JCAD: variants seen among roughly 807,000 people sequenced by gnomAD.
JCAD encodes junctional cadherin 5 associated.
JCAD carries 40 observed loss-of-function variants against 98.0 expected under a neutral mutation model. The observed-to-expected ratio is 0.41, with a 90% CI of 0.32 to 0.53. The LOEUF (loss-of-function observed/expected upper bound fraction) is 0.53, where lower values mean the gene tolerates loss of function less well. Among genes scored for constraint, JCAD ranks in the 20% least tolerant of loss-of-function variants. The probability of loss-of-function intolerance (pLI) is 0.31; values close to 1 mark genes in which losing one functional copy is unlikely to be tolerated. For missense variants in JCAD, 1,705 were observed against 1,738.1 expected (o/e 0.98, Z 0.34); for synonymous variants, 691 against 682.3 (o/e 1.01, Z -0.20).
intron 2 of JCAD, among the ~76,000 whole-genome samples, chr10:30,044,176 AAC>A (rs1837291822): frequency 2.6e-5 from 4 of 152,216 alleles, no homozygotes; most frequent in Non-Finnish European, 5.9e-5. Flanking sequence ...TAGAACTGTG[AAC>A]TGATAAATTT....
rs1836940093 is a variant in JCAD at position 30,029,517 on chromosome 10, G to T, written c.631C>A (p.Leu211Met). The T allele has an allele frequency of 1.2e-6, 2 of 1,614,104 alleles. No homozygotes were observed. The highest frequency in any genetic ancestry group is 1.3e-5 in the African/African-American group (1 of 74,944). ...DGDGERLFQD[L>M]YPFIQGEHVL... ...TGTTCTCCTTGAATGAATGGGTACA[G>T]GTCTTGAAACAGTCTCTCCCCATCT... Residue 211 changes from leucine to methionine, a missense_variant, in exon 3 of 4, where the codon CTG (leucine) becomes ATG (methionine). By Grantham distance (15) the Leu-to-Met change is conservative (BLOSUM62 2). Coordinates refer to ENST00000375377, the MANE Select transcript of JCAD (RefSeq NM_020848.4).
intron 1 of JCAD, 59 bp from the exon 2 acceptor site, chr10:30,047,930 C>A (rs1837387511): frequency 5.6e-6 from 6 of 1,070,008 alleles, no homozygotes; most frequent in South Asian, 1.6e-5. Context: ...CAGTCTGACA[C>A]CTCCTCCTCC....
chr10:30,027,843 A>G lies in JCAD; in HGVS notation c.2305T>C (p.Leu769=), dbSNP rs975615050. The change falls in exon 3 of 4, where the codon TTG becomes CTG. Residue 769 remains leucine (L), a synonymous_variant. Coordinates refer to ENST00000375377, the MANE Select transcript of JCAD (RefSeq NM_020848.4). ...SSNSAFSRTS[L]SVDQAPTPKA... is the part of the protein sequence containing the mutation. ...GGCGTCGGTGCCTGGTCCACGGACAAGGAAGTCCTTGAGAACGCACTGTTG... is the reference window on the plus strand; with the variant it reads ...GGCGTCGGTGCCTGGTCCACGGACAGGGAAGTCCTTGAGAACGCACTGTTG... The G allele has an allele frequency of 2.2e-5, 36 of 1,614,132 alleles. No individual in the cohort carries two copies. The highest frequency in any genetic ancestry group is 3.1e-5 in the Non-Finnish European group (36 of 1,180,052).
At chr10:30,105,471 G>A (rs539943936) in intron 1 of JCAD, among the ~76,000 whole-genome samples, 38 of 150,844 alleles carry the variant, frequency 2.5e-4, no homozygotes, top group Admixed American at 2.1e-3. Flanking sequence ...TTACAGACAC[G>A]TGCCACCACA....
chr10:30,055,292 C>A (rs189682924), intron 1 of JCAD, among the ~76,000 whole-genome samples: 335 of 152,288 alleles, frequency 2.2e-3, no homozygotes, highest in African/African-American at 7.2e-3. Context: ...AAATTGTTGG[C>A]AGTTCAGTGT....
At chr10:30,044,794 C>T in intron 2 of JCAD, 1 of 982,150 alleles carries the variant, frequency 1.0e-6, no homozygotes, top group Non-Finnish European at 1.2e-6. Flanking sequence ...CTTTCTGTTT[C>T]CCTCCAATTT....
chr10:30,079,346 C>CAA (rs373809311), intron 1 of JCAD, among the ~76,000 whole-genome samples: 1,446 of 64,238 alleles, frequency 0.023, 46 homozygotes, highest in African/African-American at 0.06. Flanking sequence ...GACTCCATCT[C>CAA]AAAAAAAAAA....
Position 30,027,002 on chromosome 10 carries a change from C to A in JCAD, c.3146G>T (p.Arg1049Leu). The stretch of plus-strand genomic sequence containing the variant: ...TTGCCCAGGGGTGAGCCCCACAGAC[C>A]GTAAGTCTGGAGCTGAGAGCCCTCG... ...KNRGLSAPDL[R>L]SVGLTPGQEQ... The change falls in exon 3 of 4, where the codon CGG (arginine) becomes CTG (leucine). Residue 1049 changes from arginine (R) to leucine (L), a missense_variant. Physicochemically the swap from Arg to Leu is moderately radical, Grantham distance 102. Coordinates refer to ENST00000375377, the MANE Select transcript of JCAD (RefSeq NM_020848.4). 1 of 1,614,202 alleles carries A rather than the reference C, an allele frequency of 6.2e-7. No homozygotes were observed. Among genetic ancestry groups the A allele is most frequent in the Non-Finnish European group, 8.5e-7 (1 of 1,180,032 alleles).
At chr10:30,039,020 G>A (rs936814854) in intron 2 of JCAD, among the ~76,000 whole-genome samples, 3 of 152,164 alleles carry the variant, frequency 2.0e-5, no homozygotes, top group South Asian at 2.1e-4. Context: ...CCCGACTCAC[G>A]CCAGCTATTT....
At chr10:30,096,420 A>G (rs1485967567) in intron 1 of JCAD, among the ~76,000 whole-genome samples, 1 of 152,218 alleles carries the variant, frequency 6.6e-6, no homozygotes, top group Non-Finnish European at 1.5e-5. Context: ...TATTGTTATT[A>G]TTATGGAAAT....
rs757461531 is a variant in JCAD, at chr10:30,047,707, C to T, written c.106G>A (p.Gly36Arg). 6.8e-6 allele frequency: 11 copies of T among 1,614,136 alleles called. No homozygotes were observed. The highest frequency in any genetic ancestry group is 3.3e-5 in the Admixed American group (2 of 60,014). The change falls in exon 2 of 4, where the codon GGG (glycine) becomes AGG (arginine). Residue 36 changes from glycine to arginine, a missense_variant. Gly to Arg is a moderately radical substitution (Grantham distance 125). This residue lies in a region of JCAD where 152 missense variants were observed against 148.0 expected (regional missense o/e 1.03). Transcript: ENST00000375377. ...NPKGRQAART[G>R]TRAGQGLQNG... The stretch of plus-strand genomic sequence containing the variant: ...TGCAGGCCCTGGCCTGCTCGTGTCC[C>T]AGTCCTCGCTGCCTGGCGCCCCTTG...
intron 1 of JCAD, among the ~76,000 whole-genome samples, chr10:30,070,013 T>A (rs2132670164): frequency 1.3e-5 from 2 of 152,248 alleles, no homozygotes; most frequent in East Asian, 3.9e-4. Flanking sequence ...ATCAAGCAGA[T>A]GGCATGCTAT....
rs545979191 is a variant in JCAD, at chr10:30,028,462, T to A, written c.1686A>T (p.Gln562His). Residue 562 changes from glutamine (Q) to histidine (H), a missense_variant, in exon 3 of 4, where the codon CAA becomes CAT. Physicochemically the swap from Gln to His is conservative, Grantham distance 24 (BLOSUM62 0). Around this residue, in one of 3 missense-constraint regions of JCAD, gnomAD observed 1,278 missense variants for 1,243.1 expected, o/e 1.03. Coordinates refer to ENST00000375377, the MANE Select transcript of JCAD (RefSeq NM_020848.4). ...AACTTTTCTTGGTCCGAGTCCCAGT[T>A]TGGAACTTTTTGAGCTTGGTTTGAG... Reference protein sequence around the residue: ...CETQTKLKKFQTGTRTKKSSK... With the variant: ...CETQTKLKKFHTGTRTKKSSK... 6 of 1,614,206 alleles carry A rather than the reference T, an allele frequency of 3.7e-6. No individual in the cohort carries two copies. Among genetic ancestry groups the A allele is most frequent in the Admixed American group, 1.7e-5 (1 of 60,032 alleles).
At chr10:30,032,445 T>G (rs1380959568) in intron 2 of JCAD, among the ~76,000 whole-genome samples, 2 of 152,154 alleles carry the variant, frequency 1.3e-5, no homozygotes, top group Non-Finnish European at 2.9e-5. Context: ...CTACTACCCA[T>G]GAATGATCAG....
rs775982801 is a variant in JCAD, at chr10:30,027,728, G to A, written c.2420C>T (p.Thr807Met). The A allele has an allele frequency of 3.7e-6, 6 of 1,614,136 alleles. No individual in the cohort carries two copies. The highest frequency in any genetic ancestry group is 2.2e-5 in the East Asian group (1 of 44,896). The change falls in exon 3 of 4, where the codon ACG becomes ATG. Residue 807 changes from threonine (T) to methionine (M), a missense_variant. By Grantham distance (81) the Thr-to-Met change is moderately conservative. Around this residue, in one of 3 missense-constraint regions of JCAD, gnomAD observed 1,278 missense variants for 1,243.1 expected, o/e 1.03. Coordinates refer to ENST00000375377, the MANE Select transcript of JCAD (RefSeq NM_020848.4). ...GAGTTGTTTACTGTTGCAAGGGCCC[G>A]TGGGCTCCCCCTTCACCACCTCCCG... ...PKREVVKGEP[T>M]GPCNSKQLFG...
intron 1 of JCAD, among the ~76,000 whole-genome samples, chr10:30,081,302 G>A (rs539089667): frequency 6.6e-6 from 1 of 152,312 alleles, no homozygotes; most frequent in South Asian, 2.1e-4. Context: ...GGTTACAAAG[G>A]GCAGAAACCC....
At chr10:30,072,814 G>A (rs182351474) in intron 1 of JCAD, among the ~76,000 whole-genome samples, 2 of 152,254 alleles carry the variant, frequency 1.3e-5, no homozygotes, top group Admixed American at 1.3e-4. Flanking sequence ...ACCACGCCTA[G>A]CTAGTTTTTG....
rs2132658538 is a variant in JCAD at position 30,059,544 on chromosome 10, G to A, written c.-122C>T. The stretch of plus-strand genomic sequence containing the variant: ...CGCCGCTCCGGCCGGCCGGGGACCA[G>A]CGCGACCCGCCCCGCCTGCAGCCGC... On this transcript the variant is annotated 5_prime_UTR_variant, in exon 1 of 4. Transcript: ENST00000375377. This position sits in a 1 kb window ranked among gnomAD's most constrained non-coding sequence, Gnocchi z 5.0. 6.7e-6 allele frequency: 1 copy of A among 150,322 alleles called. No individual in the cohort carries two copies. The highest frequency in any genetic ancestry group is 1.8e-4 in the South Asian group (1 of 5,606). The allele number at this position is 150,322 out of a possible 1,614,324, so 9.3% of individuals were successfully genotyped here.
Position 30,028,322 on chromosome 10 carries a change from T to C in JCAD, c.1826A>G (p.Gln609Arg), listed in dbSNP as rs200444674. Residue 609 changes from glutamine to arginine, a missense_variant, in exon 3 of 4, where the codon CAA (glutamine) becomes CGA (arginine). Coordinates refer to ENST00000375377, the MANE Select transcript of JCAD (RefSeq NM_020848.4). Reference protein sequence around the residue: ...DNNDLKPSADQKNGSDKSPAL... With the variant: ...DNNDLKPSADRKNGSDKSPAL... ...CGGGCTCTTATCAGACCCATTCTTTTGATCAGCACTGGGCTTTAAGTCATT... is the reference window on the plus strand; with the variant it reads ...CGGGCTCTTATCAGACCCATTCTTTCGATCAGCACTGGGCTTTAAGTCATT... The C allele has an allele frequency of 1.4e-4, 220 of 1,614,128 alleles. 1 individual carries two copies. Among genetic ancestry groups the C allele is most frequent in the South Asian group, 4.2e-4 (38 of 91,092 alleles).
Sources: gnomAD v4.1 joint callset for allele counts (sites outside exome capture counted in the v4.1 genomes callset) on GRCh38, gnomAD v4.1.1 for gene constraint, gnomAD v4.1.1 regional missense constraint, Gnocchi (gnomAD v3.1) non-coding constraint, MANE v1.5 for transcripts, NCBI Gene and HGNC (gene_info 2026-07-23, HGNC 2026-07-21) for gene names.